The following GABRA2 variants were observed in gnomAD, a reference collection of about 807,000 sequenced individuals.
The protein encoded by GABRA2 is gamma-aminobutyric acid type A receptor subunit alpha2.
A neutral mutation model predicts 48.7 loss-of-function variants in GABRA2; 16 were observed. The observed-to-expected ratio is 0.33, with a 90% CI of 0.22 to 0.50. The LOEUF (loss-of-function observed/expected upper bound fraction) is 0.50, where lower values mean the gene tolerates loss of function less well. Ranked by LOEUF, GABRA2 falls within the 20% of genes least tolerant of loss-of-function variation. The probability of loss-of-function intolerance (pLI) is 0.98; values close to 1 mark genes in which losing one functional copy is unlikely to be tolerated. For missense variants in GABRA2, 275 were observed against 535.6 expected, an observed-to-expected ratio of 0.51 and a Z score of 4.80; for synonymous variants, 185 against 184.5, an observed-to-expected ratio of 1.00 and a Z score of -0.02.
chr4:46,333,955 T>C (rs568494035), intron 3 of GABRA2, among the ~76,000 whole-genome samples: 23 of 152,134 alleles, frequency 1.5e-4, no homozygotes, highest in Non-Finnish European at 2.9e-4. Flanking sequence ...ATTAAATGCA[T>C]GTTTCTATTC....
intron 4 of GABRA2, among the ~76,000 whole-genome samples, chr4:46,315,183 G>T (rs1478509347): frequency 2.0e-5 from 3 of 146,744 alleles, no homozygotes; most frequent in African/African-American, 7.6e-5. Flanking sequence ...CATTCTGACT[G>T]ATATAAGATA....
At chr4:46,307,095 A>T (rs1439956328) in intron 6 of GABRA2, among the ~76,000 whole-genome samples, 1 of 152,046 alleles carries the variant, frequency 6.6e-6, no homozygotes, top group African/African-American at 2.4e-5. Flanking sequence ...GTATATGTAT[A>T]TTTATATATA....
chr4:46,258,185 C>A (rs1232211210), intron 9 of GABRA2, among the ~76,000 whole-genome samples: 1 of 151,690 alleles, frequency 6.6e-6, no homozygotes, highest in Non-Finnish European at 1.5e-5. Context: ...CTCTTTAACT[C>A]ATACCATATT....
In GABRA2 at chr4:46,250,085, C is replaced by T. The variant is rs1368650416; in HGVS notation, c.*223G>A. 6 of 472,152 alleles carry T rather than the reference C, an allele frequency of 1.3e-5. No individual in the cohort carries two copies. The Admixed American group carries it at 1.5e-4, about 12-fold the overall frequency. 29.2% of individuals were successfully genotyped at this position (472,152 alleles called of 1,614,324 possible). A position where few individuals can be genotyped will look rare whatever the true frequency, so the allele number is the denominator to read the frequency against. On this transcript the variant is annotated 3_prime_UTR_variant, in exon 10 of 10. Coordinates refer to ENST00000381620, the MANE Select transcript of GABRA2 (RefSeq NM_000807.4). ...CTTTAAATCAGGTCCTAGGGTAAAT[C>T]TTTAAAAAAGGCAATGGCTGTTTTC... is the stretch of plus-strand genomic sequence containing the variant.
Position 46,250,261 on chromosome 4 carries a change from C to T in GABRA2, c.*47G>A, listed in dbSNP as rs1211965407. ...GTCAGACTGTACATAGCAAAACAAA[C>T]CAAATTTAATGTTGCTATACATCCC... On this transcript the variant is annotated 3_prime_UTR_variant, in exon 10 of 10. Transcript: ENST00000381620. 5 of 1,531,992 alleles carry T rather than the reference C, an allele frequency of 3.3e-6. No homozygotes were observed. The highest frequency in any genetic ancestry group is 2.8e-5 in the African/African-American group (2 of 72,344). 94.9% of individuals were successfully genotyped at this position (1,531,992 alleles called of 1,614,324 possible). A position where few individuals can be genotyped will look rare whatever the true frequency, so the allele number is the denominator to read the frequency against.
At chr4:46,356,385 G>T (rs1231751988) in intron 3 of GABRA2, among the ~76,000 whole-genome samples, 1 of 147,500 alleles carries the variant, frequency 6.8e-6, no homozygotes, top group African/African-American at 2.5e-5. Flanking sequence ...CACACCCCTG[G>T]CCAGGAAGAA....
At chr4:46,340,960 A>G (rs1175261632) in intron 3 of GABRA2, among the ~76,000 whole-genome samples, 1 of 151,742 alleles carries the variant, frequency 6.6e-6, no homozygotes, top group East Asian at 1.9e-4. Flanking sequence ...AATAATCTCA[A>G]TTAACCTTTT....
chr4:46,284,054 C>T (rs572704404), intron 8 of GABRA2, among the ~76,000 whole-genome samples: 10 of 146,044 alleles, frequency 6.8e-5, no homozygotes. Context: ...CCACCAAGTC[C>T]GGCCTGATTT....
At chr4:46,379,743 G>T (rs1048747248) in intron 3 of GABRA2, among the ~76,000 whole-genome samples, 5 of 152,192 alleles carry the variant, frequency 3.3e-5, no homozygotes, top group African/African-American at 9.6e-5. Context: ...GACTGCAGCT[G>T]CCTGATTGAG....
intron 3 of GABRA2, among the ~76,000 whole-genome samples, chr4:46,348,639 A>C (rs372131640): frequency 6.6e-6 from 1 of 151,788 alleles, no homozygotes; most frequent in Non-Finnish European, 1.5e-5. Context: ...CATGGATGAA[A>C]CTGGAAACCA....
chr4:46,357,295 T>C (rs1736145493), intron 3 of GABRA2, among the ~76,000 whole-genome samples: 1 of 151,336 alleles, frequency 6.6e-6, no homozygotes, highest in South Asian at 2.1e-4. Flanking sequence ...CTGCTTTCTA[T>C]GTCTAGTTTT....
At chr4:46,343,342 A>T (rs1733613911) in intron 3 of GABRA2, among the ~76,000 whole-genome samples, 2 of 151,996 alleles carry the variant, frequency 1.3e-5, no homozygotes, top group South Asian at 4.1e-4. Context: ...TGTTGAGGGA[A>T]CCAACCATTT....
In GABRA2 at chr4:46,389,970, T is replaced by A; in HGVS notation, c.-246A>T. 1.0e-6 allele frequency: 1 copy of A among 977,128 alleles called. No individual in the cohort carries two copies. The highest frequency in any genetic ancestry group is 1.2e-6 in the Non-Finnish European group (1 of 828,914). 60.5% of individuals were successfully genotyped at this position (977,128 alleles called of 1,614,324 possible). A position where few individuals can be genotyped will look rare whatever the true frequency, so the allele number is the denominator to read the frequency against. ...CGAGGTGTAGAAGGAGGCGAAGGCGTTCGTAGTGGCGGTGATGGGCGGAGG... is the reference window on the plus strand; with the variant it reads ...CGAGGTGTAGAAGGAGGCGAAGGCGATCGTAGTGGCGGTGATGGGCGGAGG... On this transcript the variant is annotated 5_prime_UTR_variant, in exon 1 of 10. Transcript: ENST00000381620.
intron 3 of GABRA2, among the ~76,000 whole-genome samples, chr4:46,354,912 C>T (rs1735718468): frequency 6.6e-6 from 1 of 151,590 alleles, no homozygotes; most frequent in Admixed American, 6.6e-5. Flanking sequence ...CCATCTGTGT[C>T]ATGGCTGGCT....
At position 46,245,099 on chromosome 4, in the gene GABRA2, A is replaced by C. The variant is rs891488821; in HGVS notation, c.*5209T>G. ...ATGTAAACTGGTATGTTGGTGTACT[A>C]TATAGAAATCCTAGATTTCCAGAGC... On this transcript the variant is annotated 3_prime_UTR_variant, in exon 10 of 10. Coordinates refer to ENST00000381620, the MANE Select transcript of GABRA2 (RefSeq NM_000807.4). 6.6e-6 allele frequency among the ~76,000 whole-genome samples: 1 copy of C among 151,274 alleles called. No individual in the cohort carries two copies. The highest frequency in any genetic ancestry group is 1.5e-5 in the Non-Finnish European group (1 of 67,502).
At chr4:46,309,853 T>C (rs1727335456) in intron 6 of GABRA2, among the ~76,000 whole-genome samples, 1 of 152,106 alleles carries the variant, frequency 6.6e-6, no homozygotes. Flanking sequence ...AAAAGAAACA[T>C]TTGAGTTTTT....
intron 8 of GABRA2, among the ~76,000 whole-genome samples, chr4:46,287,545 C>T (rs948836365): frequency 3.0e-4 from 44 of 145,466 alleles, no homozygotes; most frequent in Middle Eastern, 3.5e-3. Context: ...AACCAAACAC[C>T]GCATATTCTC....
At chr4:46,386,017 C>G in intron 3 of GABRA2, 57 bp downstream of exon 3, 1 of 1,003,076 alleles carries the variant, frequency 1.0e-6, no homozygotes, top group South Asian at 1.4e-5. Context: ...GAATATTACC[C>G]TTAACTTTTA....
At chr4:46,256,068 T>C (rs893579140) in intron 9 of GABRA2, 5 of 429,160 alleles carry the variant, frequency 1.2e-5, no homozygotes, top group Middle Eastern at 5.9e-4. Flanking sequence ...CATACCATGT[T>C]GCCTTTTTAC....
Sources: allele counts gnomAD v4.1 joint callset (sites outside exome capture counted in the v4.1 genomes callset), GRCh38; gene constraint gnomAD v4.1.1; transcripts MANE v1.5; gene names NCBI Gene and HGNC (gene_info 2026-07-23, HGNC 2026-07-21).